Variants in PPP1R9A observed in about 807,000 individuals in gnomAD.
PPP1R9A encodes neurabin-1.
Under a neutral mutation model 141.9 loss-of-function variants are expected in PPP1R9A, and 59 were observed. The observed-to-expected ratio is 0.42, with a 90% CI of 0.34 to 0.52. The LOEUF (loss-of-function observed/expected upper bound fraction) is 0.52. Among genes scored for constraint, PPP1R9A ranks in the 20% least tolerant of loss-of-function variants. The pLI is 0.10. For synonymous variants in PPP1R9A, 500 were observed against 569.7 expected (o/e 0.88, Z 1.74); for missense variants, 1,444 against 1,611.9 (o/e 0.90, Z 1.78).
Position 95,294,328 on chromosome 7 carries a change from G to T in PPP1R9A, c.*4025G>T, listed in dbSNP as rs1016444842. 1 of 142,500 alleles carries T rather than the reference G, an allele frequency of 7.0e-6. No individual in the cohort carries two copies. Among genetic ancestry groups the T allele is most frequent in the Non-Finnish European group, 1.5e-5 (1 of 66,800 alleles). The allele number at this position is 142,500 out of a possible 1,614,324, so 8.8% of individuals were successfully genotyped here. A position where few individuals can be genotyped will look rare whatever the true frequency, so the allele number is the denominator to read the frequency against. On this transcript the variant is annotated 3_prime_UTR_variant, in exon 20 of 20. Coordinates refer to ENST00000433360, the MANE Select transcript of PPP1R9A (RefSeq NM_001166160.2). ...CTGTCACCCAGACTGGACTGCAGTG[G>T]TGCCATCATGTCTTACTGCAGCCTC...
intron 4 of PPP1R9A, among the ~76,000 whole-genome samples, chr7:95,160,141 A>G (rs1054712198): frequency 1.3e-5 from 2 of 152,186 alleles, no homozygotes; most frequent in East Asian, 1.9e-4. Flanking sequence ...CAGTATCAAT[A>G]CATACAATGC....
intron 2 of PPP1R9A, among the ~76,000 whole-genome samples, chr7:95,034,330 G>A (rs1435501220): frequency 6.6e-6 from 1 of 151,264 alleles, no homozygotes. Flanking sequence ...TTAAAATACA[G>A]CATTAATTAA....
chr7:95,225,566 TA>T lies in PPP1R9A; in HGVS notation c.1957-392del, dbSNP rs527262786. Among the ~76,000 whole-genome samples the T allele has an allele frequency of 4.6e-3, 697 of 152,300 alleles. 5 individuals carry two copies. Among genetic ancestry groups the T allele is most frequent in the African/African-American group, 0.016 (656 of 41,570 alleles). On this transcript the variant is annotated intron_variant, in intron 7 of 19. Coordinates refer to ENST00000433360, the MANE Select transcript of PPP1R9A (RefSeq NM_001166160.2). ...GGTCCCTTCCAACTCTGTGATTCAT[TA>T]AACTCCCCTTCCCTTTTCATTGCTC...
At chr7:94,908,077 C>A (rs1790978068) in intron 1 of PPP1R9A, 1 of 150,476 alleles carries the variant, frequency 6.6e-6, no homozygotes, top group Admixed American at 6.6e-5. Context: ...CGGGGGGCGC[C>A]TGCGAGGAGG....
chr7:95,217,782 T>C (rs1255950257), intron 7 of PPP1R9A, among the ~76,000 whole-genome samples: 1 of 152,244 alleles, frequency 6.6e-6, no homozygotes, highest in Non-Finnish European at 1.5e-5. Context: ...TATTCTGTGA[T>C]GGTAGTTTGT....
At position 95,251,673 on chromosome 7, in the gene PPP1R9A, C is replaced by T. The variant is rs182280326; in HGVS notation, c.2397-89C>T. 379 of 1,205,100 alleles carry T rather than the reference C, an allele frequency of 3.1e-4. No individual in the cohort carries two copies. In the African/African-American group the frequency reaches 5.2e-3, roughly 17 times the overall value. 74.7% of individuals were successfully genotyped at this position (1,205,100 alleles called of 1,614,324 possible). A position where few individuals can be genotyped will look rare whatever the true frequency, so the allele number is the denominator to read the frequency against. On this transcript the variant is annotated intron_variant, in intron 10 of 19. Transcript: ENST00000433360. ...GTCCATTTAAATAACTGTTCAGTTG[C>T]TTATCCTACTATGCAGTTTATTGTT...
intron 5 of PPP1R9A, among the ~76,000 whole-genome samples, chr7:95,182,838 A>T (rs1437551498): frequency 6.6e-6 from 1 of 152,092 alleles, no homozygotes; most frequent in East Asian, 1.9e-4. Context: ...AAGGATTTCA[A>T]AAAAACTAAT....
At chr7:95,072,811 A>ATATAATAATTAT (rs1227548517) in intron 2 of PPP1R9A, among the ~76,000 whole-genome samples, 11 of 77,232 alleles carry the variant, frequency 1.4e-4, no homozygotes, top group Admixed American at 6.4e-4. Flanking sequence ...TAATTATTAT[A>ATATAATAATTAT]TATAATAATT....
intron 2 of PPP1R9A, among the ~76,000 whole-genome samples, chr7:95,043,183 G>T (rs188884355): frequency 6.6e-6 from 1 of 152,118 alleles, no homozygotes; most frequent in Non-Finnish European, 1.5e-5. Context: ...ATTCTAGAGA[G>T]ACTTAAATTC....
At chr7:94,918,105 T>C (rs927308413) in intron 2 of PPP1R9A, among the ~76,000 whole-genome samples, 4 of 152,234 alleles carry the variant, frequency 2.6e-5, no homozygotes, top group African/African-American at 9.6e-5. Flanking sequence ...GGACCTATTT[T>C]CTTTTTGTTC....
chr7:95,102,855 A>G (rs975612944), intron 2 of PPP1R9A, among the ~76,000 whole-genome samples: 7 of 152,190 alleles, frequency 4.6e-5, no homozygotes, highest in Non-Finnish European at 7.3e-5. Flanking sequence ...AGACTTTGTG[A>G]TGACTCATTT....
chr7:95,030,250 T>C (rs1476789341), intron 2 of PPP1R9A, among the ~76,000 whole-genome samples: 2 of 152,208 alleles, frequency 1.3e-5, no homozygotes, highest in African/African-American at 4.8e-5. Flanking sequence ...CAGATCCAAA[T>C]GAGAAATATT....
At chr7:94,983,688 G>T (rs992159880) in intron 2 of PPP1R9A, among the ~76,000 whole-genome samples, 2 of 152,180 alleles carry the variant, frequency 1.3e-5, no homozygotes, top group Non-Finnish European at 2.9e-5. Context: ...TTTGTATCCT[G>T]CGACTTTGCT....
chr7:95,137,908 A>G (rs1413919825), intron 4 of PPP1R9A, among the ~76,000 whole-genome samples: 1 of 151,888 alleles, frequency 6.6e-6, no homozygotes, highest in Admixed American at 6.6e-5. Flanking sequence ...AGATGAAAAC[A>G]TATAGTCAGT....
chr7:95,000,324 A>G (rs1295102579), intron 2 of PPP1R9A, among the ~76,000 whole-genome samples: 3 of 152,000 alleles, frequency 2.0e-5, no homozygotes, highest in African/African-American at 7.2e-5. Context: ...TCTCAAGAAA[A>G]CTGTTCTTTC....
intron 4 of PPP1R9A, among the ~76,000 whole-genome samples, chr7:95,148,502 G>A (rs940455559): frequency 3.3e-5 from 5 of 151,900 alleles, no homozygotes; most frequent in Middle Eastern, 3.2e-3. Flanking sequence ...AACTTTACAA[G>A]AATCGGCAAT....
intron 4 of PPP1R9A, among the ~76,000 whole-genome samples, chr7:95,134,001 A>T (rs980864214): frequency 6.6e-6 from 1 of 152,132 alleles, no homozygotes; most frequent in Non-Finnish European, 1.5e-5. Flanking sequence ...ATTAAATTTT[A>T]AATGCTTTAA....
At chr7:95,193,781 T>C (rs1297051240) in intron 5 of PPP1R9A, among the ~76,000 whole-genome samples, 2 of 152,110 alleles carry the variant, frequency 1.3e-5, no homozygotes, top group African/African-American at 2.4e-5. Context: ...CCTCTGGAAA[T>C]AGCAGCAGTA....
intron 2 of PPP1R9A, among the ~76,000 whole-genome samples, chr7:94,977,903 C>T (rs1162724585): frequency 6.6e-6 from 1 of 151,918 alleles, no homozygotes; most frequent in Non-Finnish European, 1.5e-5. Context: ...GCTGGGACTA[C>T]AGGCACGTGC....
Sources: allele counts gnomAD v4.1 joint callset (sites outside exome capture counted in the v4.1 genomes callset), GRCh38; gene constraint gnomAD v4.1.1; transcripts MANE v1.5; gene names NCBI Gene and HGNC (gene_info 2026-07-23, HGNC 2026-07-21).